Variants in DMXL2 observed in about 807,000 individuals in gnomAD.
DMXL2 encodes the protein Dmx like 2.
A neutral mutation model predicts 331.1 loss-of-function variants in DMXL2; 103 were observed. The observed-to-expected ratio is 0.31, with a 90% CI of 0.27 to 0.37. The LOEUF (loss-of-function observed/expected upper bound fraction) is 0.37, where lower values mean the gene tolerates loss of function less well. DMXL2 is among the 10% of genes least tolerant of loss of function. The probability of loss-of-function intolerance (pLI) is 1.00; values close to 1 mark genes in which losing one functional copy is unlikely to be tolerated. For missense variants in DMXL2, 3,171 were observed against 3,642.9 expected (o/e 0.87, Z 3.33); for synonymous variants, 1,281 against 1,252.1 (o/e 1.02, Z -0.49).
chr15:51,484,263 C>T (rs933739231), intron 23 of DMXL2, among the ~76,000 whole-genome samples: 1 of 152,210 alleles, frequency 6.6e-6, no homozygotes, highest in African/African-American at 2.4e-5. Flanking sequence ...TGACCATGTA[C>T]CCACACTCCT....
intron 32 of DMXL2, 104 bp downstream of exon 32, chr15:51,464,571 G>C (rs916759763): frequency 3.2e-6 from 3 of 933,778 alleles, no homozygotes; most frequent in Middle Eastern, 3.5e-4. Context: ...AGGACTGCAG[G>C]TTCAAAATTA....
At chr15:51,529,489 A>C (rs1676610311) in intron 13 of DMXL2, among the ~76,000 whole-genome samples, 2 of 152,188 alleles carry the variant, frequency 1.3e-5, no homozygotes, top group African/African-American at 4.8e-5. Context: ...TATGCCAATA[A>C]ATTGCAAAAT....
At position 51,605,127 on chromosome 15, in the gene DMXL2, T is replaced by G. The variant is rs538196399; in HGVS notation, c.87+17332A>C. Among the ~76,000 whole-genome samples, 17 of 152,010 alleles carry G rather than the reference T, an allele frequency of 1.1e-4. No individual in the cohort carries two copies. The South Asian group carries it at 2.7e-3, about 24-fold the overall frequency. Reference sequence around the variant, plus strand: ...TAAATTTAAAACACAAAAAGCTTCATGAAATATACAAAAAACATCTTAGCA... The same window carrying G: ...TAAATTTAAAACACAAAAAGCTTCAGGAAATATACAAAAAACATCTTAGCA... On this transcript the variant is annotated intron_variant, in intron 1 of 43. Coordinates refer to ENST00000560891, the MANE Select transcript of DMXL2 (RefSeq NM_001378457.1).
intron 37 of DMXL2, 92 bp from the exon 38 acceptor site, chr15:51,456,461 T>C: frequency 3.8e-6 from 3 of 785,410 alleles, no homozygotes; most frequent in Non-Finnish European, 6.1e-6. Flanking sequence ...TTTATTCTCT[T>C]ACACCTTGCT....
intron 1 of DMXL2, among the ~76,000 whole-genome samples, chr15:51,585,359 A>C (rs2414107): frequency 1.3e-5 from 2 of 150,084 alleles, no homozygotes; most frequent in Admixed American, 6.6e-5. Context: ...ATTTTGTCAA[A>C]GGCTTTTTCT....
chr15:51,606,675 C>A (rs570136213), intron 1 of DMXL2, among the ~76,000 whole-genome samples: 27 of 152,236 alleles, frequency 1.8e-4, no homozygotes, highest in Middle Eastern at 3.4e-3. Flanking sequence ...TCCTAAAAGT[C>A]TTTTTTCAAA....
intron 1 of DMXL2, among the ~76,000 whole-genome samples, chr15:51,601,941 T>C (rs2053254683): frequency 6.6e-6 from 1 of 152,196 alleles, no homozygotes; most frequent in Non-Finnish European, 1.5e-5. Flanking sequence ...GTTTTACACA[T>C]ATATCATTAG....
chr15:51,456,024 A>G (rs1426399959), intron 39 of DMXL2, 42 bp downstream of exon 39: 1 of 1,606,976 alleles, frequency 6.2e-7, no homozygotes, highest in African/African-American at 1.3e-5. Flanking sequence ...AATATCCACA[A>G]CTATTTTCAG....
At chr15:51,454,013 C>A (rs528529218) in intron 40 of DMXL2, 164 of 183,416 alleles carry the variant, frequency 8.9e-4, no homozygotes, top group African/African-American at 3.7e-3. Flanking sequence ...ACAGACCCAA[C>A]TAGTCTTAGG....
At chr15:51,488,828 C>T (rs547552683) in intron 20 of DMXL2, among the ~76,000 whole-genome samples, 183 bp from the exon 21 acceptor site, 42 of 152,232 alleles carry the variant, frequency 2.8e-4, no homozygotes, top group African/African-American at 9.1e-4. Context: ...GATAACCATT[C>T]GCAAGCCAGT....
intron 23 of DMXL2, among the ~76,000 whole-genome samples, chr15:51,483,792 C>T (rs2042191225): frequency 6.6e-6 from 1 of 152,182 alleles, no homozygotes; most frequent in Admixed American, 6.5e-5. Flanking sequence ...ACTTCCACGG[C>T]CCTGTGGGCT....
intron 19 of DMXL2, among the ~76,000 whole-genome samples, chr15:51,494,250 T>A (rs992955415): frequency 6.6e-6 from 1 of 152,220 alleles, no homozygotes; most frequent in East Asian, 1.9e-4. Flanking sequence ...TTTATAGTTA[T>A]GTTTTCAAAG....
intron 6 of DMXL2, among the ~76,000 whole-genome samples, chr15:51,547,805 G>GCCCTTCA (rs2048970375): frequency 6.6e-6 from 1 of 152,084 alleles, no homozygotes; most frequent in African/African-American, 2.4e-5. Context: ...TAACAGTGAA[G>GCCCTTCA]CCCTTCACCC....
chr15:51,451,937 T>C (rs1385326331), intron 41 of DMXL2, among the ~76,000 whole-genome samples: 2 of 152,158 alleles, frequency 1.3e-5, no homozygotes, highest in East Asian at 3.9e-4. Flanking sequence ...CCATTGCCAC[T>C]CCAGGAAACT....
chr15:51,540,748 C>T (rs2048548983), intron 9 of DMXL2, among the ~76,000 whole-genome samples: 1 of 152,072 alleles, frequency 6.6e-6, no homozygotes, highest in Non-Finnish European at 1.5e-5. Context: ...ACTAAAAATG[C>T]ATGATGTTAA....
intron 1 of DMXL2, among the ~76,000 whole-genome samples, chr15:51,611,085 C>A (rs987179666): frequency 1.3e-5 from 2 of 150,616 alleles, no homozygotes; most frequent in African/African-American, 4.9e-5. Context: ...AAAAACAGCA[C>A]AATTAATATA....
chr15:51,546,828 C>A lies in DMXL2; in HGVS notation c.746+402G>T, dbSNP rs74013297. ...TATACATAATTGACATAATACTGAT[C>A]TATTTCCCTTCAATGTGTGCTTTCC... On this transcript the variant is annotated intron_variant, in intron 7 of 43. Transcript: ENST00000560891. Among the ~76,000 whole-genome samples, 1,519 of 152,192 alleles carry A rather than the reference C, an allele frequency of 1.0e-2. 36 individuals carry two copies. Among genetic ancestry groups the A allele is most frequent in the East Asian group, 0.062 (320 of 5,174 alleles).
In DMXL2 at chr15:51,499,640, C is replaced by A; in HGVS notation, c.3584G>T (p.Gly1195Val). ...VGVGANIFMY[G>V]RLSGIVTEQT... is the part of the protein sequence containing the mutation. ...CTCAGTCACAATTCCTGAAAGCCTT[C>A]CATACATGAAGATATTCGCACCGAC... Residue 1195 changes from glycine to valine, a missense_variant, in exon 18 of 44, where the codon GGA becomes GTA. Physicochemically the swap from Gly to Val is moderately radical, Grantham distance 109. Around this residue, in one of 7 missense-constraint regions of DMXL2, gnomAD observed 1,674 missense variants for 1,780.2 expected, o/e 0.94. Coordinates refer to ENST00000560891, the MANE Select transcript of DMXL2 (RefSeq NM_001378457.1). 6.2e-7 allele frequency: 1 copy of A among 1,614,072 alleles called. No individual in the cohort carries two copies. Among genetic ancestry groups the A allele is most frequent in the Non-Finnish European group, 8.5e-7 (1 of 1,180,018 alleles).
intron 1 of DMXL2, among the ~76,000 whole-genome samples, chr15:51,581,864 A>G (rs977499939): frequency 6.6e-6 from 1 of 152,180 alleles, no homozygotes; most frequent in African/African-American, 2.4e-5. Context: ...AACTACTGAT[A>G]AGTGTCTAAA....
Sources: gnomAD v4.1 joint callset for allele counts (sites outside exome capture counted in the v4.1 genomes callset) on GRCh38, gnomAD v4.1.1 for gene constraint, gnomAD v4.1.1 regional missense constraint, MANE v1.5 for transcripts, NCBI Gene and HGNC (gene_info 2026-07-23, HGNC 2026-07-21) for gene names.